SARNP: variants seen among roughly 807,000 people sequenced by gnomAD.
SARNP encodes the protein SAP domain-containing ribonucleoprotein.
In SARNP, 5 loss-of-function variants were observed where a neutral mutation model predicts 38.1. That is an observed-to-expected ratio of 0.13 (90% CI 0.07 to 0.28). The LOEUF (loss-of-function observed/expected upper bound fraction) is 0.28. Among genes scored for constraint, SARNP ranks in the 10% least tolerant of loss-of-function variants. The pLI, the probability that SARNP is intolerant of heterozygous loss-of-function variation, is 1.00. For missense variants in SARNP, 180 were observed against 243.9 expected (o/e 0.74, Z 1.75); for synonymous variants, 84 against 80.6 (o/e 1.04, Z -0.23).
chr12:55,764,238 T>C (rs1878758300), intron 9 of SARNP, among the ~76,000 whole-genome samples: 1 of 152,144 alleles, frequency 6.6e-6, no homozygotes, highest in Admixed American at 6.5e-5. Context: ...AATAAAAGAA[T>C]AAGGGGCTGG....
At chr12:55,812,811 G>A (rs1277618269) in intron 1 of SARNP, among the ~76,000 whole-genome samples, 3 of 152,106 alleles carry the variant, frequency 2.0e-5, no homozygotes, top group East Asian at 1.9e-4. Flanking sequence ...TCAACAAATC[G>A]TTATTGAGCA....
At chr12:55,799,164 G>C (rs1879905067) in intron 4 of SARNP, among the ~76,000 whole-genome samples, 1 of 152,164 alleles carries the variant, frequency 6.6e-6, no homozygotes, top group Non-Finnish European at 1.5e-5. Flanking sequence ...AGTAAAGTCA[G>C]ATCTGAGAAT....
intron 1 of SARNP, among the ~76,000 whole-genome samples, chr12:55,810,350 T>G (rs886257798): frequency 6.6e-6 from 1 of 152,168 alleles, no homozygotes; most frequent in Non-Finnish European, 1.5e-5. Context: ...TGGGCTCAAG[T>G]GATCCTCCTG....
chr12:55,802,753 T>C (rs1055477516), intron 2 of SARNP, among the ~76,000 whole-genome samples: 1 of 151,132 alleles, frequency 6.6e-6, no homozygotes, highest in South Asian at 2.1e-4. Context: ...TATATACATA[T>C]AGTATACTAT....
chr12:55,808,537 T>TCCAC (rs1280389425), intron 1 of SARNP, among the ~76,000 whole-genome samples: 3 of 152,066 alleles, frequency 2.0e-5, no homozygotes, highest in Admixed American at 2.0e-4. Context: ...CCTCAGGTGA[T>TCCAC]CCACCCGCCT....
chr12:55,780,972 GGGAGGACTGCTGTATGAACTTCT>G (rs1879324918), intron 9 of SARNP, among the ~76,000 whole-genome samples: 2 of 152,220 alleles, frequency 1.3e-5, no homozygotes, highest in Admixed American at 1.3e-4. Context: ...CCACAGATAA[GGGAGGACTGCTGTATGAACTTCT>G]TTCATCTTTC....
At chr12:55,761,620 G>A (rs976705512) in intron 9 of SARNP, 23 of 152,248 alleles carry the variant, frequency 1.5e-4, no homozygotes, top group Admixed American at 3.9e-4. Flanking sequence ...ATTATTCTAG[G>A]TGTTTTGTAT....
rs374254023 is a variant in SARNP, at chr12:55,778,979, G to GCAAAA, written c.501+10091_501+10095dup. 7.9e-3 allele frequency among the ~76,000 whole-genome samples: 1,193 copies of GCAAAA among 151,966 alleles called. 14 individuals carry two copies. The highest frequency in any genetic ancestry group is 0.02 in the African/African-American group (848 of 41,460). ...GGGCGAGACTGTCTCAAAAAGCAAA[G>GCAAAA]CAAAACAAAACAAAACAAAACAAAA... is the stretch of plus-strand genomic sequence containing the variant. On this transcript the variant is annotated intron_variant, in intron 9 of 10. Transcript: ENST00000336133.
chr12:55,800,939 A>G (rs772187315), intron 2 of SARNP, 39 bp from the exon 3 acceptor site: 25 of 1,540,852 alleles, frequency 1.6e-5, no homozygotes, highest in Non-Finnish European at 2.2e-5. Flanking sequence ...GCCCTGCTAC[A>G]AAACCATCTT....
At chr12:55,757,790 G>C (rs1015167779) in intron 10 of SARNP, among the ~76,000 whole-genome samples, 4 of 152,146 alleles carry the variant, frequency 2.6e-5, no homozygotes, top group Non-Finnish European at 4.4e-5. Flanking sequence ...AAGATTACTG[G>C]GGGTGAGGGA....
chr12:55,794,682 G>C (rs1592574151), intron 6 of SARNP, 125 bp downstream of exon 6: 1 of 667,698 alleles, frequency 1.5e-6, no homozygotes, highest in East Asian at 2.7e-5. Context: ...GGTCAAAAAA[G>C]TGTTCATATC....
At chr12:55,788,623 C>T (rs1472695968) in intron 9 of SARNP, among the ~76,000 whole-genome samples, 9 of 152,002 alleles carry the variant, frequency 5.9e-5, no homozygotes, top group African/African-American at 2.2e-4. Flanking sequence ...ATAGCAAAAT[C>T]CCGTCTCTAC....
intron 9 of SARNP, among the ~76,000 whole-genome samples, chr12:55,768,827 G>A (rs1029310062): frequency 4.8e-4 from 73 of 152,058 alleles, no homozygotes; most frequent in African/African-American, 1.5e-3. Context: ...GGGTTTAAGC[G>A]ATTCTCCTGT....
Position 55,789,107 on chromosome 12 carries a change from A to C in SARNP, c.469T>G (p.Phe157Val). 4 of 1,604,034 alleles carry C rather than the reference A, an allele frequency of 2.5e-6. No homozygotes were observed. Among genetic ancestry groups the C allele is most frequent in the Non-Finnish European group, 3.4e-6 (4 of 1,176,624 alleles). ...GAGATTGAAGAGACATTCAAACCAA[A>C]TCTTTGAGCTCTTTCCTTCAGCTTA... ...LDKLKERAQR[F>V]GLNVSSISRK... Residue 157 changes from phenylalanine (F) to valine (V), a missense_variant, in exon 9 of 11, where the codon TTT becomes GTT. Around this residue, in one of 2 missense-constraint regions of SARNP, gnomAD observed 161 missense variants for 194.1 expected, o/e 0.83. Coordinates refer to ENST00000336133, the MANE Select transcript of SARNP (RefSeq NM_033082.4).
At chr12:55,761,129 T>C (rs370721980) in intron 9 of SARNP, among the ~76,000 whole-genome samples, 2 of 151,950 alleles carry the variant, frequency 1.3e-5, no homozygotes, top group African/African-American at 4.8e-5. Flanking sequence ...TGAGCTGAGA[T>C]TGCACCACTG....
intron 9 of SARNP, among the ~76,000 whole-genome samples, chr12:55,769,523 C>G (rs1878944597): frequency 6.6e-6 from 1 of 152,184 alleles, no homozygotes; most frequent in Admixed American, 6.5e-5. Context: ...AGCTTTTTAC[C>G]TTCTGAATCT....
chr12:55,796,826 T>C (rs1156586745), intron 4 of SARNP, among the ~76,000 whole-genome samples: 1 of 152,206 alleles, frequency 6.6e-6, no homozygotes, highest in Non-Finnish European at 1.5e-5. Context: ...AAAAATCCCT[T>C]ATTTCTCCCA....
intron 9 of SARNP, among the ~76,000 whole-genome samples, chr12:55,775,574 A>G (rs556727323): frequency 4.4e-4 from 67 of 151,864 alleles, no homozygotes; most frequent in Non-Finnish European, 2.9e-5. Flanking sequence ...AAAACTATGA[A>G]AAAAAGAGTA....
chr12:55,761,736 C>A, intron 9 of SARNP: 1 of 152,314 alleles, frequency 6.6e-6, no homozygotes. Context: ...TTCTCTTTCT[C>A]CACCTCCCCC....
Sources: gnomAD v4.1 joint callset for allele counts (sites outside exome capture counted in the v4.1 genomes callset) on GRCh38, gnomAD v4.1.1 for gene constraint, gnomAD v4.1.1 regional missense constraint, MANE v1.5 for transcripts, NCBI Gene and HGNC (gene_info 2026-07-23, HGNC 2026-07-21) for gene names.